Variants in ROCK1 observed in about 807,000 individuals in gnomAD.
ROCK1 encodes the protein rho-associated protein kinase 1.
ROCK1 carries 36 observed loss-of-function variants against 196.8 expected under a neutral mutation model. The ratio of observed to expected loss-of-function variants is 0.18; its 90% CI spans 0.14 to 0.24. The LOEUF (loss-of-function observed/expected upper bound fraction) is 0.24, where lower values mean the gene tolerates loss of function less well. Among genes scored for constraint, ROCK1 ranks in the 10% least tolerant of loss-of-function variants. The pLI is 1.00. For synonymous variants in ROCK1, 443 were observed against 515.9 expected (o/e 0.86, Z 1.91); for missense variants, 920 against 1,562.0 (o/e 0.59, Z 6.93).
intron 32 of ROCK1, 198 bp downstream of exon 32, chr18:20,953,380 A>G (rs1049072813): frequency 5.8e-5 from 25 of 432,832 alleles, no homozygotes; most frequent in Non-Finnish European, 9.1e-5. Context: ...AACTAAATAA[A>G]TATAATATTG....
intron 6 of ROCK1, among the ~76,000 whole-genome samples, chr18:21,043,611 A>G (rs1430777374): frequency 6.7e-6 from 1 of 149,472 alleles, no homozygotes; most frequent in Non-Finnish European, 1.5e-5. Context: ...ATGTATATAC[A>G]TATACAGCTG....
chr18:20,951,184 C>T lies in ROCK1; in HGVS notation c.*200G>A. ...CTTGCATTACATAGTAATAATTAAT[C>T]TAATCTACCTGTAGGCAAACCCGCA... On this transcript the variant is annotated 3_prime_UTR_variant, in exon 33 of 33. Transcript: ENST00000399799. 2.3e-6 allele frequency: 1 copy of T among 433,890 alleles called. No homozygotes were observed. The highest frequency in any genetic ancestry group is 4.2e-6 in the Non-Finnish European group (1 of 236,288). The allele number at this position is 433,890 out of a possible 1,614,324, so 26.9% of individuals were successfully genotyped here. A position where few individuals can be genotyped will look rare whatever the true frequency, so the allele number is the denominator to read the frequency against.
At chr18:20,986,878 A>G in intron 19 of ROCK1, 72 bp downstream of exon 19, 1 of 1,308,132 alleles carries the variant, frequency 7.6e-7, no homozygotes, top group Non-Finnish European at 1.1e-6. Context: ...TAAATTATAG[A>G]TAACTCCAGT....
intron 2 of ROCK1, among the ~76,000 whole-genome samples, chr18:21,054,033 C>T (rs1280136564): frequency 1.3e-5 from 2 of 152,250 alleles, no homozygotes; most frequent in Admixed American, 6.5e-5. Context: ...CACATATGGT[C>T]GCTGTTGTAG....
intron 1 of ROCK1, among the ~76,000 whole-genome samples, chr18:21,078,373 C>CACACACAGAGAGAG (rs1491188980): frequency 1.1e-4 from 7 of 66,116 alleles, no homozygotes; most frequent in Non-Finnish European, 3.3e-4. Flanking sequence ...CACACACACA[C>CACACACAGAGAGAG]AGAGAGAGAG....
chr18:21,080,148 T>C (rs2036471126), intron 1 of ROCK1, among the ~76,000 whole-genome samples: 1 of 152,094 alleles, frequency 6.6e-6, no homozygotes, highest in Non-Finnish European at 1.5e-5. Context: ...CAAAGCCATA[T>C]CACTAGCAAA....
chr18:21,031,280 A>C (rs2143483216), intron 9 of ROCK1, among the ~76,000 whole-genome samples: 1 of 152,278 alleles, frequency 6.6e-6, no homozygotes. Context: ...AGAAGCAAGA[A>C]AATATGGGCC....
At position 20,965,404 on chromosome 18, in the gene ROCK1, T is replaced by C. The variant is rs200762875; in HGVS notation, c.3352+1513A>G. ...TGTTTCATACATACATACATACATA[T>C]ATACATACATACATACATACATACA... On this transcript the variant is annotated intron_variant, in intron 27 of 32. Transcript: ENST00000399799. Among the ~76,000 whole-genome samples the C allele has an allele frequency of 2.6e-3, 384 of 146,800 alleles. 1 individual carries two copies. Among genetic ancestry groups the C allele is most frequent in the Non-Finnish European group, 3.5e-3 (231 of 66,172 alleles).
intron 6 of ROCK1, among the ~76,000 whole-genome samples, chr18:21,042,933 A>G (rs1482460535): frequency 6.6e-6 from 1 of 152,164 alleles, no homozygotes; most frequent in Non-Finnish European, 1.5e-5. Context: ...ATGTATGTGT[A>G]TACATGTGAA....
intron 9 of ROCK1, among the ~76,000 whole-genome samples, chr18:21,034,650 A>G (rs1568389898): frequency 6.6e-6 from 1 of 152,202 alleles, no homozygotes; most frequent in South Asian, 2.1e-4. Context: ...TTAATTCACA[A>G]TGGGTCAAAG....
intron 23 of ROCK1, 99 bp downstream of exon 23, chr18:20,970,249 A>C (rs2035413572): frequency 1.2e-6 from 1 of 822,572 alleles, no homozygotes; most frequent in Non-Finnish European, 1.9e-6. Context: ...TTAACATAGA[A>C]GTAAATACAC....
chr18:21,100,989 T>TC (rs1300296392), intron 1 of ROCK1, among the ~76,000 whole-genome samples: 1 of 152,188 alleles, frequency 6.6e-6, no homozygotes, highest in Admixed American at 6.5e-5. Context: ...TTGTAAACAG[T>TC]CCTTTACTTA....
Position 20,992,944 on chromosome 18 carries a change from A to G in ROCK1, c.1886-7T>C, listed in dbSNP as rs762352349. Reference sequence around the variant, plus strand: ...TGTAAAGATGTAATTCGAGCTATCAAGTGAGAAAAAAGTTCAAGTCTGTAG... The same window carrying G: ...TGTAAAGATGTAATTCGAGCTATCAGGTGAGAAAAAAGTTCAAGTCTGTAG... On this transcript the variant is annotated splice_region_variant and splice_polypyrimidine_tract_variant and intron_variant, in intron 16 of 32. Coordinates refer to ENST00000399799, the MANE Select transcript of ROCK1 (RefSeq NM_005406.3). 5.1e-6 allele frequency: 8 copies of G among 1,582,064 alleles called. No homozygotes were observed. The highest frequency in any genetic ancestry group is 6.9e-6 in the Non-Finnish European group (8 of 1,152,692).
rs1379811730 is a variant in ROCK1 at position 21,070,515 on chromosome 18, CA to C, written c.175+16del. 1.4e-6 allele frequency: 2 copies of C among 1,438,356 alleles called. No homozygotes were observed. Among genetic ancestry groups the C allele is most frequent in the Non-Finnish European group, 1.9e-6 (2 of 1,030,412 alleles). 89.1% of individuals were successfully genotyped at this position (1,438,356 alleles called of 1,614,324 possible). A position where few individuals can be genotyped will look rare whatever the true frequency, so the allele number is the denominator to read the frequency against. Reference sequence around the variant, plus strand: ...TTATATGAAGTCTGTCATTAACCTCCACAAAAAATTACTTACATCTGCTTAA... The same window carrying C: ...TTATATGAAGTCTGTCATTAACCTCCCAAAAAATTACTTACATCTGCTTAA... On this transcript the variant is annotated intron_variant, in intron 2 of 32. Coordinates refer to ENST00000399799, the MANE Select transcript of ROCK1 (RefSeq NM_005406.3).
intron 10 of ROCK1, among the ~76,000 whole-genome samples, chr18:21,027,933 T>C (rs2035974303): frequency 6.9e-6 from 1 of 145,452 alleles, no homozygotes; most frequent in African/African-American, 2.5e-5. Flanking sequence ...GGCTAATTTT[T>C]TGTATTTTTA....
chr18:20,959,972 A>G, intron 28 of ROCK1, 44 bp from the exon 29 acceptor site: 1 of 1,286,102 alleles, frequency 7.8e-7, no homozygotes, highest in South Asian at 1.2e-5. Flanking sequence ...AGCAACATTA[A>G]CTTGGTTTAA....
chr18:21,023,063 G>A (rs955696752), intron 11 of ROCK1, among the ~76,000 whole-genome samples: 1 of 152,048 alleles, frequency 6.6e-6, no homozygotes, highest in African/African-American at 2.4e-5. Context: ...ACAGAAAGTA[G>A]AACAGTGGTT....
chr18:20,959,149 T>A (rs2035297860), intron 29 of ROCK1, among the ~76,000 whole-genome samples: 2 of 66,420 alleles, frequency 3.0e-5, no homozygotes, highest in Admixed American at 5.3e-4. Flanking sequence ...TTATATAAAA[T>A]ATATATATTA....
rs2035176880 is a variant in ROCK1, at chr18:20,950,584, CA to C, written c.*799del. The C allele has an allele frequency of 6.6e-6, 1 of 151,520 alleles. No homozygotes were observed. Among genetic ancestry groups the C allele is most frequent in the Non-Finnish European group, 1.5e-5 (1 of 67,730 alleles). The allele number at this position is 151,520 out of a possible 1,614,324, so 9.4% of individuals were successfully genotyped here. ...TAAAACCACAAAGAAATACATTATA[CA>C]ATTATAGAAATGATGTACCCCACAA... On this transcript the variant is annotated 3_prime_UTR_variant, in exon 33 of 33. Transcript: ENST00000399799.
Sources: gnomAD v4.1 joint callset for allele counts (sites outside exome capture counted in the v4.1 genomes callset) on GRCh38, gnomAD v4.1.1 for gene constraint, MANE v1.5 for transcripts, NCBI Gene and HGNC (gene_info 2026-07-23, HGNC 2026-07-21) for gene names.